The following ZNF675 variants were observed in gnomAD, a reference collection of about 807,000 sequenced individuals.
The protein encoded by ZNF675 is zinc finger protein 675, also known as TRAF6 inhibitory zinc finger.
A neutral mutation model predicts 56.1 loss-of-function variants in ZNF675; 36 were observed. That is an observed-to-expected ratio of 0.64 (90% CI 0.49 to 0.85). ZNF675 has a LOEUF of 0.85. Ranked by LOEUF, ZNF675 falls within the 40% of genes least tolerant of loss-of-function variation. The pLI is 0.00. For synonymous variants in ZNF675, 200 were observed against 218.9 expected, an observed-to-expected ratio of 0.91 and a Z score of 0.76; for missense variants, 663 against 654.2, an observed-to-expected ratio of 1.01 and a Z score of -0.15.
intron 1 of ZNF675, among the ~76,000 whole-genome samples, chr19:23,675,995 AAC>A (rs1568294897): frequency 3.3e-5 from 5 of 151,170 alleles, no homozygotes; most frequent in East Asian, 3.9e-4. Flanking sequence ...AAAAAAAAAA[AAC>A]ACAATTAGTA....
At chr19:23,666,527 CTT>C (rs1444316746) in intron 1 of ZNF675, among the ~76,000 whole-genome samples, 2 of 152,176 alleles carry the variant, frequency 1.3e-5, no homozygotes, top group African/African-American at 4.8e-5. Context: ...TTCGGGCCCA[CTT>C]TCACACTGCA....
intron 1 of ZNF675, among the ~76,000 whole-genome samples, chr19:23,681,476 C>T (rs1291794088): frequency 1.3e-5 from 2 of 151,708 alleles, no homozygotes; most frequent in Non-Finnish European, 2.9e-5. Flanking sequence ...AGCTTGTGTA[C>T]AGGAGAGCAG....
At chr19:23,673,190 G>A (rs981545592) in intron 1 of ZNF675, among the ~76,000 whole-genome samples, 3 of 152,136 alleles carry the variant, frequency 2.0e-5, no homozygotes, top group Admixed American at 2.0e-4. Context: ...TCAGAATTTG[G>A]AGCTGCAGAT....
Position 23,653,413 on chromosome 19 carries a change from G to A in ZNF675, c.1520C>T (p.Pro507Leu). ...THKRIHTGEKPYKCEECGKAF... is the reference protein window; with the variant it reads ...THKRIHTGEKLYKCEECGKAF... ...TTTGCCACATTCTTCACATTTGTAG[G>A]GTTTCTCCCCAGTATGAATTCTTTT... is the stretch of plus-strand genomic sequence containing the variant. Residue 507 changes from proline to leucine, a missense_variant, in exon 4 of 4, where the codon CCC becomes CTC. Pro to Leu is a moderately conservative substitution (Grantham distance 98). Around this residue, in one of 3 missense-constraint regions of ZNF675, gnomAD observed 617 missense variants for 590.5 expected, o/e 1.04. Coordinates refer to ENST00000359788, the MANE Select transcript of ZNF675 (RefSeq NM_138330.3). 6.2e-7 allele frequency: 1 copy of A among 1,612,908 alleles called. No homozygotes were observed. Among genetic ancestry groups the A allele is most frequent in the Non-Finnish European group, 8.5e-7 (1 of 1,179,700 alleles).
chr19:23,687,129 A>C lies in ZNF675; in HGVS notation c.-96T>G. On this transcript the variant is annotated 5_prime_UTR_variant, in exon 1 of 4. Transcript: ENST00000359788. ...GAGGCTGGACCTCTAGGAGCAGAGG[A>C]CACAGAGCAATGAAAGCGAGACCTG... 1 of 1,496,786 alleles carries C rather than the reference A, an allele frequency of 6.7e-7. No individual in the cohort carries two copies. The highest frequency in any genetic ancestry group is 2.3e-5 in the East Asian group (1 of 43,992). The allele number at this position is 1,496,786 out of a possible 1,614,324, so 92.7% of individuals were successfully genotyped here. A position where few individuals can be genotyped will look rare whatever the true frequency, so the allele number is the denominator to read the frequency against.
In ZNF675 at chr19:23,663,105, T is replaced by C. The variant is rs969551767; in HGVS notation, c.57A>G (p.Gln19=). 1.2e-5 allele frequency: 20 copies of C among 1,610,732 alleles called. No homozygotes were observed. Among genetic ancestry groups the C allele is most frequent in the African/African-American group, 1.1e-4 (8 of 74,748 alleles). The change falls in exon 2 of 4, where the codon CAA becomes CAG. Residue 19 remains glutamine, a synonymous_variant. Transcript: ENST00000359788. ...VAIEFSLEEW[Q]CLDTAQRNLY... Reference sequence around the variant, plus strand: ...AATTCCGCTGTGCAGTGTCCAGGCATTGCCATTCTTCCAGAGAGAATTCTA... The same window carrying C: ...AATTCCGCTGTGCAGTGTCCAGGCACTGCCATTCTTCCAGAGAGAATTCTA...
Position 23,653,911 on chromosome 19 carries a change from T to C in ZNF675, c.1022A>G (p.Lys341Arg). 1 of 1,613,416 alleles carries C rather than the reference T, an allele frequency of 6.2e-7. No individual in the cohort carries two copies. The highest frequency in any genetic ancestry group is 1.7e-5 in the Admixed American group (1 of 59,986). ...KRIHTGEKPYKCEECGKAFNR... is the reference protein window; with the variant it reads ...KRIHTGEKPYRCEECGKAFNR... Reference sequence around the variant, plus strand: ...AAAAGCTTTTCCACATTCTTCACATTTGTAGGGTTTTTCTCCAGTATGAAT... The same window carrying C: ...AAAAGCTTTTCCACATTCTTCACATCTGTAGGGTTTTTCTCCAGTATGAAT... Residue 341 changes from lysine to arginine, a missense_variant, in exon 4 of 4, where the codon AAA (lysine) becomes AGA (arginine). Transcript: ENST00000359788.
chr19:23,672,715 C>T (rs1968242510), intron 1 of ZNF675, among the ~76,000 whole-genome samples: 1 of 152,100 alleles, frequency 6.6e-6, no homozygotes, highest in Non-Finnish European at 1.5e-5. Context: ...GATATTTCTA[C>T]CTAAAAGGGA....
Position 23,662,201 on chromosome 19 carries a change from C to A in ZNF675, c.139G>T (p.Val47Phe), listed in dbSNP as rs778077430. Reference protein sequence around the residue: ...YRNLVFLGIAVSKQDLITCLE... With the variant: ...YRNLVFLGIAFSKQDLITCLE... ...CAGGTGATCAGGTCTTGCTTAGAGACAGCAATACCTGTTTTATTAAAAAAT... is the reference window on the plus strand; with the variant it reads ...CAGGTGATCAGGTCTTGCTTAGAGAAAGCAATACCTGTTTTATTAAAAAAT... Residue 47 changes from valine to phenylalanine, a missense_variant, in exon 3 of 4, where the codon GTC (valine) becomes TTC (phenylalanine). Around this residue, in one of 3 missense-constraint regions of ZNF675, gnomAD observed 13 missense variants for 31.8 expected, o/e 0.41. Transcript: ENST00000359788. The A allele has an allele frequency of 6.2e-7, 1 of 1,607,204 alleles. No individual in the cohort carries two copies. The highest frequency in any genetic ancestry group is 8.5e-7 in the Non-Finnish European group (1 of 1,176,390).
At chr19:23,681,989 G>C (rs1050504866) in intron 1 of ZNF675, among the ~76,000 whole-genome samples, 4 of 144,894 alleles carry the variant, frequency 2.8e-5, no homozygotes, top group Non-Finnish European at 6.0e-5. Flanking sequence ...TTTTTCAAAA[G>C]AAATACCCTC....
rs555750421 is a variant in ZNF675 at position 23,666,045 on chromosome 19, G to C, written c.4-2887C>G. ...CATGTGGAAACCATGAGGTACACAT[G>C]TACTAATGAGGCAAGAGAATAGGGT... On this transcript the variant is annotated intron_variant, in intron 1 of 3. Transcript: ENST00000359788. Among the ~76,000 whole-genome samples the C allele has an allele frequency of 3.9e-5, 6 of 152,346 alleles. No individual in the cohort carries two copies. The East Asian group carries it at 1.2e-3, about 29-fold the overall frequency.
chr19:23,660,462 A>G lies in ZNF675; in HGVS notation c.226+1652T>C, dbSNP rs1259411878. Among the ~76,000 whole-genome samples, 3 of 152,176 alleles carry G rather than the reference A, an allele frequency of 2.0e-5. No homozygotes were observed. In the East Asian group the frequency reaches 5.8e-4, roughly 29 times the overall value. ...AAAGTTGCTGGCTGTAGCTCATATGATCATATATATAAACATAAACAGTAC... is the reference window on the plus strand; with the variant it reads ...AAAGTTGCTGGCTGTAGCTCATATGGTCATATATATAAACATAAACAGTAC... On this transcript the variant is annotated intron_variant, in intron 3 of 3. Coordinates refer to ENST00000359788, the MANE Select transcript of ZNF675 (RefSeq NM_138330.3).
intron 1 of ZNF675, 121 bp downstream of exon 1, chr19:23,686,910 A>C (rs1215092129): frequency 1.6e-6 from 2 of 1,242,506 alleles, no homozygotes; most frequent in South Asian, 2.4e-5. Context: ...CTGGGGAAGG[A>C]GAACTCGGGG....
At chr19:23,673,103 C>T (rs1393439239) in intron 1 of ZNF675, among the ~76,000 whole-genome samples, 1 of 152,200 alleles carries the variant, frequency 6.6e-6, no homozygotes, top group African/African-American at 2.4e-5. Context: ...TTTAATGTCT[C>T]TTCAAGTTTG....
At chr19:23,673,308 C>T (rs1321795942) in intron 1 of ZNF675, among the ~76,000 whole-genome samples, 2 of 151,512 alleles carry the variant, frequency 1.3e-5, no homozygotes, top group Non-Finnish European at 1.5e-5. Context: ...TATGTGTATA[C>T]TCAATGCACA....
chr19:23,666,904 G>A (rs953344129), intron 1 of ZNF675, among the ~76,000 whole-genome samples: 30 of 151,922 alleles, frequency 2.0e-4, no homozygotes, highest in Non-Finnish European at 3.7e-4. Flanking sequence ...AGGGACCTGA[G>A]ACCTTTCGTC....
At chr19:23,657,961 A>T in intron 3 of ZNF675, among the ~76,000 whole-genome samples, 1 of 152,162 alleles carries the variant, frequency 6.6e-6, no homozygotes, top group East Asian at 1.9e-4. Context: ...AAAAAACAAT[A>T]AACAGATGTC....
At chr19:23,667,357 G>A (rs1255278823) in intron 1 of ZNF675, among the ~76,000 whole-genome samples, 3 of 152,026 alleles carry the variant, frequency 2.0e-5, no homozygotes, top group Non-Finnish European at 4.4e-5. Flanking sequence ...ACTGTGGAAG[G>A]GGACCCCAGC....
Position 23,667,032 on chromosome 19 carries a change from T to C in ZNF675, c.4-3874A>G, listed in dbSNP as rs554018694. 3.3e-5 allele frequency among the ~76,000 whole-genome samples: 5 copies of C among 152,302 alleles called. No individual in the cohort carries two copies. The East Asian group carries it at 9.7e-4, about 29-fold the overall frequency. ...AGCCGCGGACCCTCGTGGTGAGTGT[T>C]ACAGCTCTTAAGGTGGCGCGTCTGG... On this transcript the variant is annotated intron_variant, in intron 1 of 3. Transcript: ENST00000359788.
Sources: allele counts gnomAD v4.1 joint callset (sites outside exome capture counted in the v4.1 genomes callset), GRCh38; gene constraint gnomAD v4.1.1; regional missense constraint gnomAD v4.1.1; transcripts MANE v1.5; gene names NCBI Gene and HGNC (gene_info 2026-07-23, HGNC 2026-07-21).